The following CTNNB1 variants were observed in gnomAD, a reference collection of about 807,000 sequenced individuals.
CTNNB1 encodes catenin beta-1.
CTNNB1 carries 6 observed loss-of-function variants against 82.5 expected under a neutral mutation model. The observed-to-expected ratio is 0.07, with a 90% CI of 0.04 to 0.14. The LOEUF is 0.14. Among genes scored for constraint, CTNNB1 ranks in the 10% least tolerant of loss-of-function variants. The pLI, the probability that CTNNB1 is intolerant of heterozygous loss-of-function variation, is 1.00. For synonymous variants in CTNNB1, 312 were observed against 329.7 expected (o/e 0.95, Z 0.58); for missense variants, 529 against 980.4 (o/e 0.54, Z 6.15).
intron 1 of CTNNB1, among the ~76,000 whole-genome samples, chr3:41,214,089 T>G (rs2077859903): frequency 6.6e-6 from 1 of 152,220 alleles, no homozygotes; most frequent in Non-Finnish European, 1.5e-5. Flanking sequence ...GTGGTTACTC[T>G]GTCCAGTCAG....
chr3:41,238,006 G>T lies in CTNNB1; in HGVS notation c.2077-10G>T, dbSNP rs1181748646. 1 of 1,613,168 alleles carries T rather than the reference G, an allele frequency of 6.2e-7. No homozygotes were observed. The highest frequency in any genetic ancestry group is 1.1e-5 in the South Asian group (1 of 91,066). ...TTCTATTCTTCCTTGCTTTGTGCAT[G>T]TTTATCTAGACTGCTGATCTTGGAC... On this transcript the variant is annotated splice_polypyrimidine_tract_variant and intron_variant, in intron 13 of 14. Transcript: ENST00000349496.
chr3:41,225,744 G>A lies in CTNNB1; in HGVS notation c.819G>A (p.Val273=), dbSNP rs530813397. Residue 273 remains valine, a synonymous_variant, in exon 6 of 15, where the codon GTG becomes GTA. Transcript: ENST00000349496. This position sits in a 1 kb window ranked among gnomAD's most constrained non-coding sequence, Gnocchi z 5.3. ...LLHQEGAKMA[V]RLAGGLQKMV... ...ATCAAGAAGGAGCTAAAATGGCAGT[G>A]CGTTTAGCTGGTGGGCTGCAGAAAA... 2 of 1,614,098 alleles carry A rather than the reference G, an allele frequency of 1.2e-6. No individual in the cohort carries two copies. Among genetic ancestry groups the A allele is most frequent in the Admixed American group, 3.3e-5 (2 of 60,012 alleles).
intron 1 of CTNNB1, among the ~76,000 whole-genome samples, chr3:41,203,360 G>A (rs943980347): frequency 3.9e-5 from 6 of 152,070 alleles, no homozygotes; most frequent in Non-Finnish European, 8.8e-5. Flanking sequence ...TGTCTTCTCA[G>A]CCAATATTTG....
rs1028220824 is a variant in CTNNB1, at chr3:41,239,710, G to A, written c.*368G>A. 2.6e-6 allele frequency: 1 copy of A among 380,170 alleles called. No individual in the cohort carries two copies. The highest frequency in any genetic ancestry group is 4.9e-6 in the Non-Finnish European group (1 of 204,854). The allele number at this position is 380,170 out of a possible 1,614,324, so 23.5% of individuals were successfully genotyped here. On this transcript the variant is annotated 3_prime_UTR_variant, in exon 15 of 15. Coordinates refer to ENST00000349496, the MANE Select transcript of CTNNB1 (RefSeq NM_001904.4). ...ATTGGCCTGTAGAGTTGCTGAGAGG[G>A]CTCGAGGGGTGGGCTGGTATCTCAG... is the stretch of plus-strand genomic sequence containing the variant.
chr3:41,234,328 A>T (rs1305986383), intron 10 of CTNNB1, 31 bp downstream of exon 10: 1 of 1,612,048 alleles, frequency 6.2e-7, no homozygotes, highest in Non-Finnish European at 8.5e-7. Context: ...ATACCTGGCT[A>T]TCTAAAAGGA....
At chr3:41,235,990 A>G (rs112707481) in intron 11 of CTNNB1, 147 bp downstream of exon 11, 2 of 978,098 alleles carry the variant, frequency 2.0e-6, no homozygotes, top group Non-Finnish European at 3.2e-6. Flanking sequence ...GGTCAGTAAG[A>G]GAAACATTGA....
In CTNNB1 at chr3:41,225,705, C is replaced by T. The variant is rs776805998; in HGVS notation, c.780C>T (p.His260=). 6.2e-7 allele frequency: 1 copy of T among 1,614,060 alleles called. No homozygotes were observed. The highest frequency in any genetic ancestry group is 8.5e-7 in the Non-Finnish European group (1 of 1,180,012). The part of the protein sequence containing the change: ...SVLFYAITTL[H]NLLLHQEGAK... ...TGTTTTATGCCATTACAACTCTCCA[C>T]AACCTTTTATTACATCAAGAAGGAG... Residue 260 remains histidine (H), a synonymous_variant, in exon 6 of 15, where the codon CAC becomes CAT. Coordinates refer to ENST00000349496, the MANE Select transcript of CTNNB1 (RefSeq NM_001904.4). The surrounding 1 kb of genome is among the most constrained non-coding windows in gnomAD (Gnocchi z 5.3).
rs1483444246 is a variant in CTNNB1 at position 41,240,019 on chromosome 3, CTG to C, written c.*679_*680del. ...TTTTTTTTTTTTTTTTTTGCAGTAA[CTG>C]TTTTTTAAGTCTCTCGTAGTGTTAA... is the stretch of plus-strand genomic sequence containing the variant. On this transcript the variant is annotated 3_prime_UTR_variant, in exon 15 of 15. Coordinates refer to ENST00000349496, the MANE Select transcript of CTNNB1 (RefSeq NM_001904.4). The C allele has an allele frequency of 2.1e-3, 107 of 50,920 alleles. No individual in the cohort carries two copies. The highest frequency in any genetic ancestry group is 5.0e-3 in the Admixed American group (18 of 3,614). 3.2% of individuals were successfully genotyped at this position (50,920 alleles called of 1,614,324 possible).
At chr3:41,213,262 T>C (rs1216641570) in intron 1 of CTNNB1, among the ~76,000 whole-genome samples, 1 of 152,186 alleles carries the variant, frequency 6.6e-6, no homozygotes, top group Admixed American at 6.5e-5. Context: ...TTATTTTCTA[T>C]TTCTGGGATG....
At chr3:41,227,986 T>G (rs780453142) in intron 7 of CTNNB1, among the ~76,000 whole-genome samples, 2 of 152,308 alleles carry the variant, frequency 1.3e-5, no homozygotes, top group African/African-American at 2.4e-5. Flanking sequence ...TGGTTTTCTA[T>G]TCCTATGTTA....
chr3:41,233,108 C>T lies in CTNNB1; in HGVS notation c.1082-233C>T, dbSNP rs79309633. ...ACAGTGGAGATAACAAAGGCTTTTT[C>T]GGCTTAGGAAAGGAACAGTAGCTAT... On this transcript the variant is annotated intron_variant, in intron 7 of 14. Coordinates refer to ENST00000349496, the MANE Select transcript of CTNNB1 (RefSeq NM_001904.4). 2.5e-3 allele frequency: 1,475 copies of T among 592,678 alleles called. 17 individuals are homozygous for T. The highest frequency in any genetic ancestry group is 0.024 in the African/African-American group (1,305 of 53,760). The allele number at this position is 592,678 out of a possible 1,614,324, so 36.7% of individuals were successfully genotyped here.
intron 1 of CTNNB1, 179 bp downstream of exon 1, chr3:41,199,849 G>C (rs1211338369): frequency 6.6e-6 from 1 of 151,452 alleles, no homozygotes; most frequent in African/African-American, 2.4e-5. Context: ...GGCGCGGAGG[G>C]CGGCGGCCGG....
At chr3:41,219,823 T>C (rs1212582593) in intron 1 of CTNNB1, among the ~76,000 whole-genome samples, 2 of 152,158 alleles carry the variant, frequency 1.3e-5, no homozygotes, top group Admixed American at 1.3e-4. Context: ...ATTAAGAGAA[T>C]TATTTATATG....
chr3:41,211,574 A>G (rs1030353033), intron 1 of CTNNB1, among the ~76,000 whole-genome samples: 3 of 152,250 alleles, frequency 2.0e-5, no homozygotes, highest in African/African-American at 7.2e-5. Flanking sequence ...TTGTATCTTT[A>G]TGTCCATGTG....
At chr3:41,216,992 A>G (rs1341290829) in intron 1 of CTNNB1, among the ~76,000 whole-genome samples, 1 of 152,004 alleles carries the variant, frequency 6.6e-6, no homozygotes, top group Non-Finnish European at 1.5e-5. Flanking sequence ...GCTGGAGTGA[A>G]TTTTAGAAAG....
chr3:41,236,698 G>A lies in CTNNB1; in HGVS notation c.2065G>A (p.Ala689Thr), dbSNP rs898060604. ...CTCTCTCTTCAGAACAGAGCCAATG[G>A]CTTGGAATGAGGTAGGGAAATGTGA... ...TSSLFRTEPM[A>T]WNETADLGLD... The change falls in exon 13 of 15, where the codon GCT becomes ACT. Residue 689 changes from alanine (A) to threonine (T), a missense_variant. Physicochemically the swap from Ala to Thr is moderately conservative, Grantham distance 58. Around this residue, in one of 4 missense-constraint regions of CTNNB1, gnomAD observed 102 missense variants for 130.8 expected, o/e 0.78. Transcript: ENST00000349496. 6.2e-7 allele frequency: 1 copy of A among 1,614,172 alleles called. No homozygotes were observed. Among genetic ancestry groups the A allele is most frequent in the Admixed American group, 1.7e-5 (1 of 60,034 alleles).
At chr3:41,210,270 T>C (rs1372936599) in intron 1 of CTNNB1, among the ~76,000 whole-genome samples, 3 of 152,158 alleles carry the variant, frequency 2.0e-5, no homozygotes, top group East Asian at 3.9e-4. Context: ...CTGGCTAACA[T>C]GGTGAAACCC....
chr3:41,232,034 A>G (rs2078320454), intron 7 of CTNNB1, among the ~76,000 whole-genome samples: 1 of 152,190 alleles, frequency 6.6e-6, no homozygotes, highest in Non-Finnish European at 1.5e-5. Flanking sequence ...ACTAGAATGC[A>G]AGAGAGGCAG....
chr3:41,204,336 A>C (rs1351127131), intron 1 of CTNNB1, among the ~76,000 whole-genome samples: 1 of 152,214 alleles, frequency 6.6e-6, no homozygotes, highest in East Asian at 1.9e-4. Flanking sequence ...TACTGAAAAA[A>C]ATTGCTACCG....
Sources: allele counts gnomAD v4.1 joint callset (sites outside exome capture counted in the v4.1 genomes callset), GRCh38; gene constraint gnomAD v4.1.1; regional missense constraint gnomAD v4.1.1; non-coding constraint Gnocchi (gnomAD v3.1); transcripts MANE v1.5; gene names NCBI Gene and HGNC (gene_info 2026-07-23, HGNC 2026-07-21).